The following FAM200A variants were observed in gnomAD, a reference collection of about 807,000 sequenced individuals.
The protein encoded by FAM200A is ZBED8 like, also known as protein FAM200A.
Under a neutral mutation model 44.2 loss-of-function variants are expected in FAM200A, and 26 were observed. The ratio of observed to expected loss-of-function variants is 0.59; its 90% CI spans 0.43 to 0.82. The LOEUF (loss-of-function observed/expected upper bound fraction) is 0.82. Among genes scored for constraint, FAM200A ranks in the 40% least tolerant of loss-of-function variants. FAM200A has a pLI of 0.00. For synonymous variants in FAM200A, 206 were observed against 244.4 expected (o/e 0.84, Z 1.47); for missense variants, 606 against 669.5 (o/e 0.91, Z 1.05).
At chr7:99,556,283 C>T (rs568003669), upstream of FAM200A, among the ~76,000 whole-genome samples, 4 of 152,202 alleles carry the variant, frequency 2.6e-5, no homozygotes, top group Admixed American at 6.5e-5. Flanking sequence ...AAAGTTCCTG[C>T]GGACTACACT....
Sources: allele counts gnomAD v4.1 joint callset (sites outside exome capture counted in the v4.1 genomes callset), GRCh38; gene constraint gnomAD v4.1.1; transcripts MANE v1.5; gene names NCBI Gene and HGNC (gene_info 2026-07-23, HGNC 2026-07-21).